BCKDHB: variants seen among roughly 807,000 people sequenced by gnomAD.
BCKDHB encodes 2-oxoisovalerate dehydrogenase subunit beta, mitochondrial.
Under a neutral mutation model 48.5 loss-of-function variants are expected in BCKDHB, and 41 were observed. The ratio of observed to expected loss-of-function variants is 0.85; its 90% CI spans 0.66 to 1.10. BCKDHB has a LOEUF of 1.10. BCKDHB is among the 50% of genes least tolerant of loss of function. The probability of loss-of-function intolerance (pLI) is 0.00; values close to 1 mark genes in which losing one functional copy is unlikely to be tolerated. For missense variants in BCKDHB, 496 were observed against 494.2 expected (o/e 1.00, Z -0.03); for synonymous variants, 201 against 174.8 (o/e 1.15, Z -1.18).
chr6:80,260,491 G>T (rs940440909), intron 8 of BCKDHB, among the ~76,000 whole-genome samples: 7 of 152,036 alleles, frequency 4.6e-5, no homozygotes, highest in Admixed American at 2.6e-4. Context: ...CAGAAGTACG[G>T]TACATCACCA....
intron 3 of BCKDHB, among the ~76,000 whole-genome samples, chr6:80,161,700 T>C (rs994930149): frequency 2.6e-5 from 4 of 152,168 alleles, no homozygotes; most frequent in African/African-American, 7.2e-5. Flanking sequence ...TTCTTATCCT[T>C]TTCTTCTCTG....
At chr6:80,408,117 G>C in the BCKDHB span, among the ~76,000 whole-genome samples, 2 of 152,044 alleles carry the variant, frequency 1.3e-5, no homozygotes, top group Non-Finnish European at 2.9e-5. Flanking sequence ...ATAATCATGT[G>C]GTTTTTGTGG....
At chr6:80,315,653 A>G (rs1279283174) in intron 9 of BCKDHB, among the ~76,000 whole-genome samples, 4 of 151,102 alleles carry the variant, frequency 2.6e-5, no homozygotes, top group African/African-American at 7.3e-5. Flanking sequence ...GGATCTTGCC[A>G]TATCTCCCAG....
At chr6:80,395,605 G>A in the BCKDHB span, among the ~76,000 whole-genome samples, 1 of 152,220 alleles carries the variant, frequency 6.6e-6, no homozygotes, top group Admixed American at 6.5e-5. Flanking sequence ...GTAGCCTGAA[G>A]ATTTGATAGG....
chr6:80,118,381 T>C (rs769666670), intron 1 of BCKDHB, among the ~76,000 whole-genome samples: 3 of 152,200 alleles, frequency 2.0e-5, no homozygotes, highest in Non-Finnish European at 4.4e-5. Context: ...AAATACTTTA[T>C]CGATAAAAAT....
intron 3 of BCKDHB, among the ~76,000 whole-genome samples, chr6:80,133,914 A>G (rs1770754390): frequency 6.6e-6 from 1 of 152,150 alleles, no homozygotes; most frequent in African/African-American, 2.4e-5. Flanking sequence ...AAGTGCTGGG[A>G]TTACAGGCGT....
intron 8 of BCKDHB, among the ~76,000 whole-genome samples, chr6:80,213,356 T>G (rs1372950040): frequency 1.3e-5 from 2 of 152,226 alleles, no homozygotes; most frequent in Non-Finnish European, 2.9e-5. Flanking sequence ...GAACAATTTA[T>G]CTACTTTGAA....
the BCKDHB span, among the ~76,000 whole-genome samples, chr6:80,442,358 T>C: frequency 6.6e-6 from 1 of 152,192 alleles, no homozygotes; most frequent in East Asian, 1.9e-4. Flanking sequence ...ACCATCCTAT[T>C]TCACAATCAA....
At chr6:80,310,881 C>T (rs1240502687) in intron 9 of BCKDHB, among the ~76,000 whole-genome samples, 4 of 125,110 alleles carry the variant, frequency 3.2e-5, no homozygotes, top group Non-Finnish European at 7.4e-5. Context: ...TGTTTGATGG[C>T]CACATGTATG....
At chr6:80,238,572 TTTTTA>T (rs1353190952) in intron 8 of BCKDHB, among the ~76,000 whole-genome samples, 1 of 151,918 alleles carries the variant, frequency 6.6e-6, no homozygotes, top group Non-Finnish European at 1.5e-5. Context: ...TTTTTCACTC[TTTTTA>T]TTTTATTTTT....
At chr6:80,188,493 G>C (rs945889485) in intron 6 of BCKDHB, among the ~76,000 whole-genome samples, 6 of 152,048 alleles carry the variant, frequency 3.9e-5, no homozygotes, top group African/African-American at 1.4e-4. Context: ...ACAAAATTTA[G>C]CCAGGTGTGG....
chr6:80,389,799 G>A, the BCKDHB span, among the ~76,000 whole-genome samples: 1 of 152,160 alleles, frequency 6.6e-6, no homozygotes, highest in East Asian at 1.9e-4. Context: ...AGAAGGTCGT[G>A]TATGCTCTGA....
intron 9 of BCKDHB, chr6:80,307,574 T>C: frequency 1.0e-6 from 1 of 984,852 alleles, no homozygotes; most frequent in African/African-American, 1.7e-5. Flanking sequence ...CTAAAAAAAA[T>C]CTTCTAGTGA....
chr6:80,172,018 AT>A, intron 6 of BCKDHB, among the ~76,000 whole-genome samples: 1 of 152,258 alleles, frequency 6.6e-6, no homozygotes, highest in East Asian at 1.9e-4. Context: ...ACTCTTCACA[AT>A]GGATCCATTC....
chr6:80,371,013 G>A, the BCKDHB span, among the ~76,000 whole-genome samples: 2 of 152,068 alleles, frequency 1.3e-5, no homozygotes, highest in Non-Finnish European at 2.9e-5. Flanking sequence ...CCAGGAGTGG[G>A]ATTGCTGGAT....
chr6:80,246,348 G>A (rs192126616), intron 8 of BCKDHB, among the ~76,000 whole-genome samples: 86 of 152,226 alleles, frequency 5.6e-4, no homozygotes, highest in African/African-American at 2.0e-3. Flanking sequence ...TCTTGCTTAG[G>A]TTTTGACCTT....
chr6:80,183,420 G>A (rs1408822907), intron 6 of BCKDHB, among the ~76,000 whole-genome samples: 1 of 152,138 alleles, frequency 6.6e-6, no homozygotes, highest in African/African-American at 2.4e-5. Flanking sequence ...ATCAGAATTT[G>A]CCGTTTTTTA....
the BCKDHB span, among the ~76,000 whole-genome samples, chr6:80,395,841 G>C: frequency 6.6e-6 from 1 of 152,160 alleles, no homozygotes; most frequent in South Asian, 2.1e-4. Flanking sequence ...CTTAGAACGT[G>C]GTGCCCTGCA....
the BCKDHB span, among the ~76,000 whole-genome samples, chr6:80,386,720 C>T: frequency 6.9e-6 from 1 of 145,098 alleles, no homozygotes; most frequent in Non-Finnish European, 1.5e-5. Flanking sequence ...CTCTGGCAGG[C>T]TAATTAATCA....
Sources: allele counts gnomAD v4.1 joint callset (sites outside exome capture counted in the v4.1 genomes callset), GRCh38; gene constraint gnomAD v4.1.1; transcripts MANE v1.5; gene names NCBI Gene and HGNC (gene_info 2026-07-23, HGNC 2026-07-21).